Variants in TMUB1 observed in about 807,000 individuals in gnomAD.
TMUB1 encodes the protein transmembrane and ubiquitin-like domain-containing protein 1.
Under a neutral mutation model 16.2 loss-of-function variants are expected in TMUB1, and 9 were observed. The observed-to-expected ratio is 0.55, with a 90% confidence interval of 0.33 to 0.97. TMUB1 has a LOEUF of 0.97. Ranked by LOEUF, TMUB1 falls within the 50% of genes least tolerant of loss-of-function variation. The pLI, the probability that TMUB1 is intolerant of heterozygous loss-of-function variation, is 0.03. For missense variants in TMUB1, 309 were observed against 313.5 expected (o/e 0.99, Z 0.11); for synonymous variants, 155 against 152.2 (o/e 1.02, Z -0.13).
chr7:151,082,844 A>G lies in TMUB1; in HGVS notation c.-30-251T>C, dbSNP rs1798037130. 2.8e-6 allele frequency: 1 copy of G among 361,998 alleles called. No individual in the cohort carries two copies. The highest frequency in any genetic ancestry group is 5.0e-6 in the Non-Finnish European group (1 of 201,980). The allele number at this position is 361,998 out of a possible 1,614,324, so 22.4% of individuals were successfully genotyped here. A position where few individuals can be genotyped will look rare whatever the true frequency, so the allele number is the denominator to read the frequency against. ...GCTCGAGGTCTTCAACCAGCTCCCA[A>G]CTCACCCAAACCCTATCCCAAGGTA... On this transcript the variant is annotated intron_variant, in intron 1 of 2. Transcript: ENST00000297533. The surrounding 1 kb of genome is among the most constrained non-coding windows in gnomAD (Gnocchi z 7.0).
rs1563394579 is a variant in TMUB1, at chr7:151,082,133, A to G, written c.389+42T>C. On this transcript the variant is annotated intron_variant, in intron 2 of 2. Transcript: ENST00000297533. The surrounding 1 kb of genome is among the most constrained non-coding windows in gnomAD (Gnocchi z 7.0). ...GGGGCCTTCTGCGACCACTCTCCCA[A>G]CCCCTGTCTTTAGCATTGCTCCTGC... 4 of 1,491,768 alleles carry G rather than the reference A, an allele frequency of 2.7e-6. No homozygotes were observed. The highest frequency in any genetic ancestry group is 3.6e-6 in the Non-Finnish European group (4 of 1,121,048). 92.4% of individuals were successfully genotyped at this position (1,491,768 alleles called of 1,614,324 possible).
chr7:151,081,932 G>A lies in TMUB1; in HGVS notation c.390-32C>T. On this transcript the variant is annotated intron_variant, in intron 2 of 2. Coordinates refer to ENST00000297533, the MANE Select transcript of TMUB1 (RefSeq NM_001136044.2). This position sits in a 1 kb window ranked among gnomAD's most constrained non-coding sequence, Gnocchi z 7.6. ...AGAGAGGGACCTGGGTAAGAGAGCA[G>A]GCCTCAGGCAATCCTAGTCCCTGGC... is the stretch of plus-strand genomic sequence containing the variant. 6.9e-7 allele frequency: 1 copy of A among 1,458,448 alleles called. No homozygotes were observed. Among genetic ancestry groups the A allele is most frequent in the Non-Finnish European group, 9.0e-7 (1 of 1,107,478 alleles). 90.3% of individuals were successfully genotyped at this position (1,458,448 alleles called of 1,614,324 possible).
chr7:151,081,506 G>C lies in TMUB1; in HGVS notation c.*43C>G, dbSNP rs771211897. ...GCTCCCGCCGCGGCGCGGGGAGCAA[G>C]GTCCGGAGGGGCCGGCGACGCTGCC... On this transcript the variant is annotated 3_prime_UTR_variant, in exon 3 of 3. Transcript: ENST00000297533. The surrounding 1 kb of genome is among the most constrained non-coding windows in gnomAD (Gnocchi z 7.6). The C allele has an allele frequency of 6.8e-7, 1 of 1,474,884 alleles. No individual in the cohort carries two copies. The highest frequency in any genetic ancestry group is 9.0e-7 in the Non-Finnish European group (1 of 1,111,964). The allele number at this position is 1,474,884 out of a possible 1,614,324, so 91.4% of individuals were successfully genotyped here.
Position 151,082,652 on chromosome 7 carries a change from T to G in TMUB1, c.-30-59A>C. 3 of 1,370,396 alleles carry G rather than the reference T, an allele frequency of 2.2e-6. No homozygotes were observed. The highest frequency in any genetic ancestry group is 2.9e-6 in the Non-Finnish European group (3 of 1,041,638). The allele number at this position is 1,370,396 out of a possible 1,614,324, so 84.9% of individuals were successfully genotyped here. A position where few individuals can be genotyped will look rare whatever the true frequency, so the allele number is the denominator to read the frequency against. ...CCCCCTGGCCAGGAGCCCTGGAACCTCCACAGGGTCCTGCCCTCACCCCAC... is the reference window on the plus strand; with the variant it reads ...CCCCCTGGCCAGGAGCCCTGGAACCGCCACAGGGTCCTGCCCTCACCCCAC... On this transcript the variant is annotated intron_variant, in intron 1 of 2. Coordinates refer to ENST00000297533, the MANE Select transcript of TMUB1 (RefSeq NM_001136044.2). This position sits in a 1 kb window ranked among gnomAD's most constrained non-coding sequence, Gnocchi z 7.0.
rs919304869 is a variant in TMUB1, at chr7:151,082,035, G to A, written c.390-135C>T. ...GCCTGGGAGGGGCCGTCTGCCAGGG[G>A]AACAAGTACAGTTGTGATCTGGGGC... On this transcript the variant is annotated intron_variant, in intron 2 of 2. Coordinates refer to ENST00000297533, the MANE Select transcript of TMUB1 (RefSeq NM_001136044.2). The surrounding 1 kb of genome is among the most constrained non-coding windows in gnomAD (Gnocchi z 7.0). The A allele has an allele frequency of 1.1e-4, 159 of 1,403,916 alleles. No homozygotes were observed. Among genetic ancestry groups the A allele is most frequent in the Admixed American group, 2.7e-4 (11 of 41,074 alleles). 87.0% of individuals were successfully genotyped at this position (1,403,916 alleles called of 1,614,324 possible).
At position 151,081,780 on chromosome 7, in the gene TMUB1, G is replaced by A. The variant is rs766647788; in HGVS notation, c.510C>T (p.His170=). The part of the protein sequence containing the change: ...HLPPNCVLHC[H]VSTRVGPPNP... ...TTGGGGGACCGACTCTCGTGGACAC[G>A]TGGCAGTGGAGAACGCAGTTGGGAG... Residue 170 remains histidine, a synonymous_variant, in exon 3 of 3, where the codon CAC becomes CAT. Transcript: ENST00000297533. This position sits in a 1 kb window ranked among gnomAD's most constrained non-coding sequence, Gnocchi z 7.6. 3.1e-6 allele frequency: 5 copies of A among 1,594,614 alleles called. No homozygotes were observed. The highest frequency in any genetic ancestry group is 4.3e-6 in the Non-Finnish European group (5 of 1,171,422).
At position 151,083,021 on chromosome 7, in the gene TMUB1, T is replaced by TG. The variant is rs1563397456; in HGVS notation, c.-31+412dup. ...CTCCGCTGCTAAAGTTTCTAAGAGG[T>TG]GGGGGTAGAGCCTCTGTGCCCCCAC... On this transcript the variant is annotated intron_variant, in intron 1 of 2. Transcript: ENST00000297533. The surrounding 1 kb of genome is among the most constrained non-coding windows in gnomAD (Gnocchi z 5.9). The TG allele has an allele frequency of 6.4e-6, 1 of 155,824 alleles. No homozygotes were observed. Among genetic ancestry groups the TG allele is most frequent in the Admixed American group, 6.5e-5 (1 of 15,354 alleles). 9.7% of individuals were successfully genotyped at this position (155,824 alleles called of 1,614,324 possible).
Position 151,081,889 on chromosome 7 carries a change from G to C in TMUB1, c.401C>G (p.Pro134Arg). 2.0e-6 allele frequency: 3 copies of C among 1,483,730 alleles called. No homozygotes were observed. The highest frequency in any genetic ancestry group is 2.7e-6 in the Non-Finnish European group (3 of 1,117,430). 91.9% of individuals were successfully genotyped at this position (1,483,730 alleles called of 1,614,324 possible). A position where few individuals can be genotyped will look rare whatever the true frequency, so the allele number is the denominator to read the frequency against. The stretch of plus-strand genomic sequence containing the variant: ...GAGTCGCACCTGCTGTTCCCGGCCG[G>C]GAAACTGGGTCCTGAGGAGAGAGGG... ...TIGSLKRTQF[P>R]GREQQVRLIY... Residue 134 changes from proline to arginine, a missense_variant, in exon 3 of 3, where the codon CCC becomes CGC. Physicochemically the swap from Pro to Arg is moderately radical, Grantham distance 103. Coordinates refer to ENST00000297533, the MANE Select transcript of TMUB1 (RefSeq NM_001136044.2). The surrounding 1 kb of genome is among the most constrained non-coding windows in gnomAD (Gnocchi z 7.6).
In TMUB1 at chr7:151,081,894, CTG is replaced by C; in HGVS notation, c.394_395del (p.Gln132ValfsTer231). ...HDTIGSLKRT[Q>X]FPGREQQVRL... is the part of the protein sequence containing the mutation. Reference sequence around the variant, plus strand: ...GCACCTGCTGTTCCCGGCCGGGAAACTGGGTCCTGAGGAGAGAGGGACCTGGG... The same window carrying C: ...GCACCTGCTGTTCCCGGCCGGGAAACGGTCCTGAGGAGAGAGGGACCTGGG... On this transcript the variant is annotated frameshift_variant, in exon 3 of 3. Coordinates refer to ENST00000297533, the MANE Select transcript of TMUB1 (RefSeq NM_001136044.2). LOFTEE classifies it high-confidence loss of function. The surrounding 1 kb of genome is among the most constrained non-coding windows in gnomAD (Gnocchi z 7.6). 1 of 1,482,464 alleles carries C rather than the reference CTG, an allele frequency of 6.7e-7. No homozygotes were observed. The highest frequency in any genetic ancestry group is 9.0e-7 in the Non-Finnish European group (1 of 1,117,106). The allele number at this position is 1,482,464 out of a possible 1,614,324, so 91.8% of individuals were successfully genotyped here. A position where few individuals can be genotyped will look rare whatever the true frequency, so the allele number is the denominator to read the frequency against.
Position 151,081,671 on chromosome 7 carries a change from A to G in TMUB1, c.619T>C (p.Leu207=), listed in dbSNP as rs1443991065. The G allele has an allele frequency of 5.0e-6, 8 of 1,592,946 alleles. No individual in the cohort carries two copies. Among genetic ancestry groups the G allele is most frequent in the African/African-American group, 1.3e-5 (1 of 74,814 alleles). The stretch of plus-strand genomic sequence containing the variant: ...ATCTGGCAGTACCAGAGCAGCAGCA[A>G]CAGCAGGAGCAGCAGGGGCAGCAGC... ...SLLLPLLLLL[L]LLLWYCQIQY... Residue 207 remains leucine, a synonymous_variant, in exon 3 of 3, where the codon TTG becomes CTG. Transcript: ENST00000297533. The surrounding 1 kb of genome is among the most constrained non-coding windows in gnomAD (Gnocchi z 7.6).
chr7:151,081,963 A>C lies in TMUB1; in HGVS notation c.390-63T>G. On this transcript the variant is annotated intron_variant, in intron 2 of 2. Coordinates refer to ENST00000297533, the MANE Select transcript of TMUB1 (RefSeq NM_001136044.2). The surrounding 1 kb of genome is among the most constrained non-coding windows in gnomAD (Gnocchi z 7.6). Reference sequence around the variant, plus strand: ...AGGCAATCCTAGTCCCTGGCCCCGGAACAGCACTCCCACCCTCCCCCTGCC... The same window carrying C: ...AGGCAATCCTAGTCCCTGGCCCCGGCACAGCACTCCCACCCTCCCCCTGCC... 1.4e-6 allele frequency: 2 copies of C among 1,440,946 alleles called. No individual in the cohort carries two copies. The highest frequency in any genetic ancestry group is 2.4e-5 in the East Asian group (1 of 41,736). 89.3% of individuals were successfully genotyped at this position (1,440,946 alleles called of 1,614,324 possible). A position where few individuals can be genotyped will look rare whatever the true frequency, so the allele number is the denominator to read the frequency against.
In TMUB1 at chr7:151,082,717, C is replaced by G; in HGVS notation, c.-30-124G>C. The G allele has an allele frequency of 2.6e-6, 2 of 764,760 alleles. No homozygotes were observed. The highest frequency in any genetic ancestry group is 3.6e-6 in the Non-Finnish European group (2 of 550,144). 47.4% of individuals were successfully genotyped at this position (764,760 alleles called of 1,614,324 possible). ...CGTCCTCAGCCTCCGTCCCCTCACC[C>G]ACCCCAGGGTACCGGCTTCTCTGCC... On this transcript the variant is annotated intron_variant, in intron 1 of 2. Coordinates refer to ENST00000297533, the MANE Select transcript of TMUB1 (RefSeq NM_001136044.2). The surrounding 1 kb of genome is among the most constrained non-coding windows in gnomAD (Gnocchi z 7.0).
chr7:151,082,635 C>T lies in TMUB1; in HGVS notation c.-30-42G>A. 7.0e-7 allele frequency: 1 copy of T among 1,432,148 alleles called. No individual in the cohort carries two copies. Among genetic ancestry groups the T allele is most frequent in the Non-Finnish European group, 9.2e-7 (1 of 1,090,168 alleles). The allele number at this position is 1,432,148 out of a possible 1,614,324, so 88.7% of individuals were successfully genotyped here. ...AGCCCGTGAGGCCCGGGCCCCCTGGCCAGGAGCCCTGGAACCTCCACAGGG... is the reference window on the plus strand; with the variant it reads ...AGCCCGTGAGGCCCGGGCCCCCTGGTCAGGAGCCCTGGAACCTCCACAGGG... On this transcript the variant is annotated intron_variant, in intron 1 of 2. Coordinates refer to ENST00000297533, the MANE Select transcript of TMUB1 (RefSeq NM_001136044.2). The surrounding 1 kb of genome is among the most constrained non-coding windows in gnomAD (Gnocchi z 7.0).
In TMUB1 at chr7:151,081,731, C is replaced by G. The variant is rs567979471; in HGVS notation, c.559G>C (p.Glu187Gln). The G allele has an allele frequency of 1.9e-6, 3 of 1,585,586 alleles. 1 individual carries two copies. In the South Asian group the frequency reaches 3.4e-5, roughly 18 times the overall value. Residue 187 changes from glutamate to glutamine, a missense_variant, in exon 3 of 3, where the codon GAG (glutamate) becomes CAG (glutamine). Physicochemically the swap from Glu to Gln is conservative, Grantham distance 29. Transcript: ENST00000297533. This position sits in a 1 kb window ranked among gnomAD's most constrained non-coding sequence, Gnocchi z 7.6. ...PPNPPCPPGS[E>Q]PGPSGLEIGS... Reference sequence around the variant, plus strand: ...ATTTCCAGCCCGGAGGGGCCGGGCTCGGACCCCGGCGGGCAGGGGGGATTT... The same window carrying G: ...ATTTCCAGCCCGGAGGGGCCGGGCTGGGACCCCGGCGGGCAGGGGGGATTT...
rs765721180 is a variant in TMUB1 at position 151,082,558 on chromosome 7, G to A, written c.6C>T (p.Thr2=). The change falls in exon 2 of 3, where the codon ACC becomes ACT. Residue 2 remains threonine, a synonymous_variant. Transcript: ENST00000297533. This position sits in a 1 kb window ranked among gnomAD's most constrained non-coding sequence, Gnocchi z 7.0. ...CCTCATCACCCACCCCTTCAATCAG[G>A]GTCATGGCGCCTGCCTTGCCCGCCG... M[T]LIEGVGDEVT... is the part of the protein sequence containing the mutation. 10 of 1,495,206 alleles carry A rather than the reference G, an allele frequency of 6.7e-6. No homozygotes were observed. In the Admixed American group the frequency reaches 1.6e-4, roughly 25 times the overall value. 92.6% of individuals were successfully genotyped at this position (1,495,206 alleles called of 1,614,324 possible). A position where few individuals can be genotyped will look rare whatever the true frequency, so the allele number is the denominator to read the frequency against.
At position 151,083,347 on chromosome 7, in the gene TMUB1, C is replaced by A. The variant is rs922218586; in HGVS notation, c.-31+87G>T. The A allele has an allele frequency of 4.1e-4, 62 of 152,302 alleles. No homozygotes were observed. Among genetic ancestry groups the A allele is most frequent in the African/African-American group, 1.5e-3 (61 of 41,564 alleles). The allele number at this position is 152,302 out of a possible 1,614,324, so 9.4% of individuals were successfully genotyped here. On this transcript the variant is annotated intron_variant, in intron 1 of 2. Transcript: ENST00000297533. This position sits in a 1 kb window ranked among gnomAD's most constrained non-coding sequence, Gnocchi z 5.9. ...TCATCACCCCTCCCACCTTCCCGCC[C>A]CCCGAAGCCGCAGGAGGGCACGGCG...
At position 151,081,979 on chromosome 7, in the gene TMUB1, T is replaced by C. The variant is rs1585018167; in HGVS notation, c.390-79A>G. On this transcript the variant is annotated intron_variant, in intron 2 of 2. Coordinates refer to ENST00000297533, the MANE Select transcript of TMUB1 (RefSeq NM_001136044.2). This position sits in a 1 kb window ranked among gnomAD's most constrained non-coding sequence, Gnocchi z 7.6. Reference sequence around the variant, plus strand: ...TGGCCCCGGAACAGCACTCCCACCCTCCCCCTGCCCTCCACAACACACCGG... The same window carrying C: ...TGGCCCCGGAACAGCACTCCCACCCCCCCCCTGCCCTCCACAACACACCGG... 1.2e-5 allele frequency: 17 copies of C among 1,381,942 alleles called. No homozygotes were observed. In the East Asian group the frequency reaches 3.2e-4, roughly 26 times the overall value. 85.6% of individuals were successfully genotyped at this position (1,381,942 alleles called of 1,614,324 possible). A position where few individuals can be genotyped will look rare whatever the true frequency, so the allele number is the denominator to read the frequency against.
Position 151,082,182 on chromosome 7 carries a change from A to C in TMUB1, c.382T>G (p.Leu128Val), listed in dbSNP as rs752138620. 14 of 1,505,854 alleles carry C rather than the reference A, an allele frequency of 9.3e-6. No homozygotes were observed. Among genetic ancestry groups the C allele is most frequent in the Non-Finnish European group, 1.2e-5 (14 of 1,126,352 alleles). The allele number at this position is 1,505,854 out of a possible 1,614,324, so 93.3% of individuals were successfully genotyped here. ...GCCTCTTGACCTACTTACCTTTTCA[A>C]GGAGCCAATGGTGTCGTGGGGCCAG... ...RAWPHDTIGSLKRTQFPGREQ... is the reference protein window; with the variant it reads ...RAWPHDTIGSVKRTQFPGREQ... Residue 128 changes from leucine (L) to valine (V), a missense_variant, in exon 2 of 3, where the codon TTG (leucine) becomes GTG (valine). Transcript: ENST00000297533. This position sits in a 1 kb window ranked among gnomAD's most constrained non-coding sequence, Gnocchi z 7.0.
Position 151,081,540 on chromosome 7 carries a change from G to A in TMUB1, c.*9C>T, listed in dbSNP as rs1797985355. ...GGGCCGGCGACGCTGCCAAGCGCCCGCGGAGGCACTACGGGCGGTACATGG... is the reference window on the plus strand; with the variant it reads ...GGGCCGGCGACGCTGCCAAGCGCCCACGGAGGCACTACGGGCGGTACATGG... On this transcript the variant is annotated 3_prime_UTR_variant, in exon 3 of 3. Transcript: ENST00000297533. This position sits in a 1 kb window ranked among gnomAD's most constrained non-coding sequence, Gnocchi z 7.6. The A allele has an allele frequency of 6.4e-7, 1 of 1,566,062 alleles. No homozygotes were observed.
Sources: allele counts gnomAD v4.1 joint callset, GRCh38; gene constraint gnomAD v4.1.1; non-coding constraint Gnocchi (gnomAD v3.1); transcripts MANE v1.5; gene names NCBI Gene and HGNC (gene_info 2026-07-23, HGNC 2026-07-21).